AKNAD1: variants seen among roughly 807,000 people sequenced by gnomAD.
The protein encoded by AKNAD1 is AKNA domain containing 1.
AKNAD1 carries 67 observed loss-of-function variants against 90.8 expected under a neutral mutation model. That is an observed-to-expected ratio of 0.74 (90% CI 0.61 to 0.90). AKNAD1 has a LOEUF of 0.90. AKNAD1 is among the 40% of genes least tolerant of loss of function. AKNAD1 has a pLI of 0.00. For synonymous variants in AKNAD1, 327 were observed against 341.4 expected (o/e 0.96, Z 0.46); for missense variants, 957 against 975.4 (o/e 0.98, Z 0.25).
At chr1:108,819,467 A>AAG (rs1663741036) in intron 14 of AKNAD1, among the ~76,000 whole-genome samples, 1 of 150,820 alleles carries the variant, frequency 6.6e-6, no homozygotes, top group Admixed American at 6.6e-5. Flanking sequence ...AAAAAAAAAA[A>AAG]AAAGTAGCTA....
intron 3 of AKNAD1, 122 bp downstream of exon 3, chr1:108,849,415 G>C (rs1176640019): frequency 4.4e-6 from 3 of 682,226 alleles, no homozygotes; most frequent in Non-Finnish European, 5.2e-6. Flanking sequence ...AGAGGTCAAG[G>C]CTGCAATGAA....
At chr1:108,843,410 TCA>T in intron 5 of AKNAD1, 143 bp from the exon 6 acceptor site, 2 of 1,055,786 alleles carry the variant, frequency 1.9e-6, no homozygotes, top group Non-Finnish European at 2.7e-6. Context: ...TTGTTTTGTC[TCA>T]GAGTCTGACA....
At position 108,816,170 on chromosome 1, in the gene AKNAD1, A is replaced by G; in HGVS notation, c.*1T>C. ...TGAATCCTTGGTAGCCTAGCGTTGA[A>G]CTAGTATTTCAGTCGATTCCTCCAC... On this transcript the variant is annotated 3_prime_UTR_variant, in exon 16 of 16. Transcript: ENST00000370001. 1 of 1,597,100 alleles carries G rather than the reference A, an allele frequency of 6.3e-7. No individual in the cohort carries two copies. The highest frequency in any genetic ancestry group is 8.5e-7 in the Non-Finnish European group (1 of 1,173,830).
intron 14 of AKNAD1, 126 bp downstream of exon 14, chr1:108,820,419 T>C: frequency 3.2e-6 from 2 of 619,464 alleles, no homozygotes; most frequent in South Asian, 2.3e-5. Flanking sequence ...GGTTTAGGTT[T>C]GAATCCTGGC....
intron 5 of AKNAD1, 108 bp from the exon 6 acceptor site, chr1:108,843,375 G>A (rs1382018725): frequency 2.1e-5 from 28 of 1,337,362 alleles, no homozygotes; most frequent in African/African-American, 2.9e-5. Context: ...AAACAAAGCT[G>A]CCATCCTTCT....
At chr1:108,835,298 CT>C (rs2101188394) in intron 7 of AKNAD1, among the ~76,000 whole-genome samples, 1 of 152,294 alleles carries the variant, frequency 6.6e-6, no homozygotes, top group South Asian at 2.1e-4. Flanking sequence ...CATTTAGTTA[CT>C]TTTGGTCATA....
At position 108,852,728 on chromosome 1, in the gene AKNAD1, T is replaced by C. The variant is rs574756766; in HGVS notation, c.-64A>G. The C allele has an allele frequency of 1.1e-4, 167 of 1,465,550 alleles. No homozygotes were observed. In the African/African-American group the frequency reaches 2.1e-3, roughly 19 times the overall value. 90.8% of individuals were successfully genotyped at this position (1,465,550 alleles called of 1,614,324 possible). On this transcript the variant is annotated 5_prime_UTR_variant, in exon 2 of 16. Coordinates refer to ENST00000370001, the MANE Select transcript of AKNAD1 (RefSeq NM_152763.5). ...AGCTGGCTGCTGTCAGTTGTAACAA[T>C]AGCTCTGGTTCTCACTGACTGTCTT... is the stretch of plus-strand genomic sequence containing the variant.
intron 11 of AKNAD1, among the ~76,000 whole-genome samples, chr1:108,824,376 A>G (rs373542766): frequency 1.2e-4 from 19 of 152,300 alleles, no homozygotes; most frequent in Admixed American, 2.6e-4. Context: ...AGCCTCTTCC[A>G]ATGCTTCTTG....
At chr1:108,845,090 A>G (rs1298031316) in intron 5 of AKNAD1, among the ~76,000 whole-genome samples, 1 of 152,184 alleles carries the variant, frequency 6.6e-6, no homozygotes, top group Non-Finnish European at 1.5e-5. Context: ...AAGTACTGGG[A>G]TTACAGGCAT....
rs753897920 is a variant in AKNAD1 at position 108,843,307 on chromosome 1, CTG to C, written c.1246-42_1246-41del. ...TCACTGGAATCATTCACATGCAAGC[CTG>C]TGTGTGTAATTGTTTTCCCAAAAAC... On this transcript the variant is annotated intron_variant, in intron 5 of 15. Transcript: ENST00000370001. 5.0e-6 allele frequency: 8 copies of C among 1,607,790 alleles called. No individual in the cohort carries two copies. In the South Asian group the frequency reaches 5.5e-5, roughly 11 times the overall value.
At chr1:108,827,107 T>C in intron 11 of AKNAD1, 98 bp downstream of exon 11, 1 of 814,164 alleles carries the variant, frequency 1.2e-6, no homozygotes, top group Non-Finnish European at 2.1e-6. Context: ...AGGGAAATGC[T>C]CTTGGAGTGG....
intron 14 of AKNAD1, chr1:108,817,497 A>ATTTTTTTTTTTTTTTTTTTTT (rs10681740): frequency 2.0e-4 from 12 of 60,342 alleles, no homozygotes; most frequent in African/African-American, 2.7e-4. Context: ...TTTTTTTTTA[A>ATTTTTTTTTTTTTTTTTTTTT]TTTTTTTTTT....
At chr1:108,844,502 TAAATC>T (rs1664647675) in intron 5 of AKNAD1, among the ~76,000 whole-genome samples, 1 of 151,854 alleles carries the variant, frequency 6.6e-6, no homozygotes, top group African/African-American at 2.4e-5. Flanking sequence ...GAGTGCAACT[TAAATC>T]AGGCATAAAG....
intron 3 of AKNAD1, 142 bp downstream of exon 3, chr1:108,849,395 T>C: frequency 1.6e-6 from 1 of 612,820 alleles, no homozygotes; most frequent in Non-Finnish European, 2.9e-6. Context: ...GGGAGGATCA[T>C]TTGAGCCCCA....
intron 6 of AKNAD1, among the ~76,000 whole-genome samples, chr1:108,840,263 G>T (rs1041692877): frequency 6.6e-6 from 1 of 152,020 alleles, no homozygotes; most frequent in African/African-American, 2.4e-5. Flanking sequence ...AATTGCATAA[G>T]GTAGCCCAGT....
rs1475108775 is a variant in AKNAD1, at chr1:108,835,064, A to G, written c.1537-8T>C. 4 of 1,569,890 alleles carry G rather than the reference A, an allele frequency of 2.5e-6. No individual in the cohort carries two copies. Among genetic ancestry groups the G allele is most frequent in the Non-Finnish European group, 3.4e-6 (4 of 1,164,030 alleles). ...GGGGTGCTCCTTGGGAATCTGGGGG[A>G]GCCACACAGAAAGACTTGAATTAGA... On this transcript the variant is annotated splice_region_variant and splice_polypyrimidine_tract_variant and intron_variant, in intron 7 of 15. Transcript: ENST00000370001.
intron 1 of AKNAD1, 67 bp from the exon 2 acceptor site, chr1:108,852,834 A>G: frequency 5.7e-6 from 3 of 530,470 alleles, no homozygotes; most frequent in Non-Finnish European, 8.9e-6. Context: ...ATGCCAGAAC[A>G]AAGTGGATGT....
chr1:108,845,050 C>A (rs34666309), intron 5 of AKNAD1, among the ~76,000 whole-genome samples: 19,001 of 152,144 alleles, frequency 0.12, 1,250 homozygotes, highest in African/African-American at 0.15. Context: ...AACTCCTGAC[C>A]TCAGGTGGTC....
At chr1:108,849,820 C>T (rs533427704) in intron 2 of AKNAD1, among the ~76,000 whole-genome samples, 1 of 152,136 alleles carries the variant, frequency 6.6e-6, no homozygotes, top group Non-Finnish European at 1.5e-5. Context: ...GTGAACCTGC[C>T]TCAGGGGGTT....
Sources: gnomAD v4.1 joint callset for allele counts (sites outside exome capture counted in the v4.1 genomes callset) on GRCh38, gnomAD v4.1.1 for gene constraint, MANE v1.5 for transcripts, NCBI Gene and HGNC (gene_info 2026-07-23, HGNC 2026-07-21) for gene names.